NCOA2: variants seen among roughly 807,000 people sequenced by gnomAD.
NCOA2 encodes the protein class E basic helix-loop-helix protein 75.
In NCOA2, 21 loss-of-function variants were observed where a neutral mutation model predicts 145.1. The observed-to-expected ratio is 0.14, with a 90% CI of 0.10 to 0.21. NCOA2 has a LOEUF of 0.21. NCOA2 is among the 10% of genes least tolerant of loss of function. The pLI is 1.00. For synonymous variants in NCOA2, 619 were observed against 637.5 expected, an observed-to-expected ratio of 0.97 and a Z score of 0.44; for missense variants, 1,472 against 1,837.6, an observed-to-expected ratio of 0.80 and a Z score of 3.64.
At chr8:70,165,784 A>G (rs1053640385) in intron 7 of NCOA2, among the ~76,000 whole-genome samples, 2 of 152,132 alleles carry the variant, frequency 1.3e-5, no homozygotes, top group South Asian at 4.1e-4. Flanking sequence ...TAACCCCTTG[A>G]AAGTATATTT....
chr8:70,437,770 A>G, the NCOA2 span, among the ~76,000 whole-genome samples: 1 of 152,250 alleles, frequency 6.6e-6, no homozygotes, highest in Non-Finnish European at 1.5e-5. Context: ...ACAGCAAAAA[A>G]TATTAGAAGA....
chr8:70,249,982 AG>A (rs1248534716), intron 2 of NCOA2, among the ~76,000 whole-genome samples: 2,705 of 147,966 alleles, frequency 0.018, 129 homozygotes, highest in African/African-American at 0.065. Flanking sequence ...AAAAAAAAGA[AG>A]AAGAAGAAGA....
intron 1 of NCOA2, among the ~76,000 whole-genome samples, chr8:70,352,398 T>C (rs146549908): frequency 3.3e-5 from 5 of 152,308 alleles, no homozygotes; most frequent in African/African-American, 1.2e-4. Context: ...TGCACACTGA[T>C]ATAAAGCTAA....
intron 22 of NCOA2, among the ~76,000 whole-genome samples, chr8:70,116,680 C>T (rs554978031): frequency 1.3e-5 from 2 of 152,286 alleles, no homozygotes; most frequent in East Asian, 1.9e-4. Flanking sequence ...AAGTAACTTC[C>T]GGTTATTTCT....
At chr8:70,174,996 C>CATTTAGGGGCAACAGGGA in intron 4 of NCOA2, 137 bp from the exon 5 acceptor site, 3 of 731,216 alleles carry the variant, frequency 4.1e-6, no homozygotes, top group Non-Finnish European at 6.9e-6. Flanking sequence ...CAGTACATCC[C>CATTTAGGGGCAACAGGGA]TGTTGCCCCT....
chr8:70,158,983 G>A (rs929615594), intron 10 of NCOA2, among the ~76,000 whole-genome samples: 3 of 151,250 alleles, frequency 2.0e-5, no homozygotes, highest in African/African-American at 4.9e-5. Context: ...TCAAAGTAGA[G>A]TCCTACTTTG....
chr8:70,189,277 T>C (rs991372442), intron 4 of NCOA2, among the ~76,000 whole-genome samples: 1 of 152,184 alleles, frequency 6.6e-6, no homozygotes, highest in African/African-American at 2.4e-5. Flanking sequence ...GCAGATGCCA[T>C]TTTCTCAAGG....
chr8:70,384,240 C>G (rs566515928), intron 1 of NCOA2, among the ~76,000 whole-genome samples: 1 of 150,982 alleles, frequency 6.6e-6, no homozygotes, highest in African/African-American at 2.4e-5. Context: ...CATCTACTTA[C>G]AGGATTATAT....
At chr8:70,277,148 GT>G (rs1167503243) in intron 2 of NCOA2, among the ~76,000 whole-genome samples, 1 of 150,766 alleles carries the variant, frequency 6.6e-6, no homozygotes, top group Non-Finnish European at 1.5e-5. Context: ...AGGCGTTTTT[GT>G]TTTTTTTCCT....
chr8:70,361,297 A>G (rs1339092524), intron 1 of NCOA2, among the ~76,000 whole-genome samples: 1 of 151,954 alleles, frequency 6.6e-6, no homozygotes, highest in Non-Finnish European at 1.5e-5. Context: ...GAGCAGATCA[A>G]CAGCCTGACC....
intron 1 of NCOA2, among the ~76,000 whole-genome samples, chr8:70,374,803 A>C (rs1046545723): frequency 6.6e-6 from 1 of 151,970 alleles, no homozygotes; most frequent in Non-Finnish European, 1.5e-5. Context: ...CTTTAAAAAA[A>C]AAAAAAAAGA....
the NCOA2 span, among the ~76,000 whole-genome samples, chr8:70,442,972 G>A: frequency 5.3e-5 from 8 of 152,098 alleles, no homozygotes; most frequent in Non-Finnish European, 1.0e-4. Context: ...GCATCCGTAC[G>A]CAGTCCATTG....
chr8:70,318,594 A>G (rs1375264290), intron 1 of NCOA2, among the ~76,000 whole-genome samples: 1 of 152,066 alleles, frequency 6.6e-6, no homozygotes, highest in African/African-American at 2.4e-5. Flanking sequence ...GCAAAATCCC[A>G]TCTCTACAAC....
intron 2 of NCOA2, among the ~76,000 whole-genome samples, chr8:70,222,324 T>C (rs1820215678): frequency 6.6e-6 from 1 of 152,184 alleles, no homozygotes; most frequent in Non-Finnish European, 1.5e-5. Flanking sequence ...ACACTAGCCA[T>C]TTATTGTTAG....
intron 4 of NCOA2, among the ~76,000 whole-genome samples, chr8:70,184,220 A>T (rs1284063640): frequency 6.6e-6 from 1 of 152,232 alleles, no homozygotes; most frequent in Non-Finnish European, 1.5e-5. Context: ...TCTACACCTG[A>T]GCCACGAAGT....
intron 2 of NCOA2, among the ~76,000 whole-genome samples, chr8:70,281,749 A>G (rs960767522): frequency 3.9e-5 from 6 of 152,194 alleles, no homozygotes; most frequent in Non-Finnish European, 7.3e-5. Context: ...AGCTGCTCAC[A>G]GTACCAGTTT....
intron 1 of NCOA2, among the ~76,000 whole-genome samples, chr8:70,317,348 C>T (rs1377465090): frequency 1.3e-5 from 2 of 152,086 alleles, no homozygotes; most frequent in Admixed American, 6.6e-5. Flanking sequence ...ATAAGACTGT[C>T]GTGAGAGGAT....
chr8:70,115,419 G>A (rs1202583621), intron 22 of NCOA2, among the ~76,000 whole-genome samples: 2 of 152,248 alleles, frequency 1.3e-5, no homozygotes, highest in Non-Finnish European at 2.9e-5. Flanking sequence ...CACACCTCTG[G>A]AGTCATGCTG....
chr8:70,391,625 T>C (rs1325281426), intron 1 of NCOA2, among the ~76,000 whole-genome samples: 1 of 152,226 alleles, frequency 6.6e-6, no homozygotes, highest in African/African-American at 2.4e-5. Flanking sequence ...CTGGAGAAAC[T>C]GAAGTCTGAC....
Sources: allele counts gnomAD v4.1 joint callset (sites outside exome capture counted in the v4.1 genomes callset), GRCh38; gene constraint gnomAD v4.1.1; transcripts MANE v1.5; gene names NCBI Gene and HGNC (gene_info 2026-07-23, HGNC 2026-07-21).